Variants in PSMD1 observed in about 807,000 individuals in gnomAD.
PSMD1 encodes the protein 26S proteasome non-ATPase regulatory subunit 1.
Under a neutral mutation model 119.0 loss-of-function variants are expected in PSMD1, and 18 were observed. That is an observed-to-expected ratio of 0.15 (90% CI 0.10 to 0.22). The LOEUF (loss-of-function observed/expected upper bound fraction) is 0.22, where lower values mean the gene tolerates loss of function less well. PSMD1 is among the 10% of genes least tolerant of loss of function. The pLI is 1.00. For missense variants in PSMD1, 702 were observed against 1,158.5 expected (o/e 0.61, Z 5.72); for synonymous variants, 374 against 396.6 (o/e 0.94, Z 0.68).
At chr2:231,098,455 CTCTCTG>C (rs1448589254) in intron 16 of PSMD1, among the ~76,000 whole-genome samples, 1 of 151,550 alleles carries the variant, frequency 6.6e-6, no homozygotes, top group African/African-American at 2.4e-5. Flanking sequence ...CTTTCTCTCT[CTCTCTG>C]TCTCTTTCTC....
At chr2:231,138,871 G>C (rs1225821061) in intron 17 of PSMD1, 21 bp downstream of exon 17, 1 of 1,561,080 alleles carries the variant, frequency 6.4e-7, no homozygotes, top group South Asian at 1.1e-5. Context: ...CAGCCAATGG[G>C]GTCAGTTCTT....
intron 8 of PSMD1, 59 bp downstream of exon 8, chr2:231,075,630 A>T: frequency 6.6e-7 from 1 of 1,513,148 alleles, no homozygotes; most frequent in Non-Finnish European, 9.1e-7. Flanking sequence ...CCCAGGCTAG[A>T]ACGCAGTGGC....
At chr2:231,111,228 A>T (rs1480522093) in intron 16 of PSMD1, among the ~76,000 whole-genome samples, 1 of 152,136 alleles carries the variant, frequency 6.6e-6, no homozygotes, top group Non-Finnish European at 1.5e-5. Context: ...AGCCATCTAC[A>T]AGTCTACTTA....
rs756520044 is a variant in PSMD1, at chr2:231,072,495, A to G, written c.881+80A>G. 4.2e-4 allele frequency: 537 copies of G among 1,277,848 alleles called. 1 individual carries two copies. Among genetic ancestry groups the G allele is most frequent in the Non-Finnish European group, 3.9e-4 (355 of 906,000 alleles). 79.2% of individuals were successfully genotyped at this position (1,277,848 alleles called of 1,614,324 possible). A position where few individuals can be genotyped will look rare whatever the true frequency, so the allele number is the denominator to read the frequency against. On this transcript the variant is annotated intron_variant, in intron 7 of 24. Coordinates refer to ENST00000308696, the MANE Select transcript of PSMD1 (RefSeq NM_002807.4). ...GGGGACAGGTAGAATATTTATAGGA[A>G]GCATATTCTAAGAATAAATTTTGCC...
intron 20 of PSMD1, among the ~76,000 whole-genome samples, chr2:231,162,849 GAAA>G (rs1696673498): frequency 6.7e-6 from 1 of 149,232 alleles, no homozygotes; most frequent in African/African-American, 2.5e-5. Context: ...AAGAAAGAAA[GAAA>G]GAAAGGAAGC....
intron 20 of PSMD1, 36 bp from the exon 21 acceptor site, chr2:231,163,599 C>T: frequency 6.6e-7 from 1 of 1,523,486 alleles, no homozygotes. Context: ...GCACAGAGTA[C>T]TTAAAGCCAA....
intron 16 of PSMD1, among the ~76,000 whole-genome samples, chr2:231,100,525 G>T (rs1309241631): frequency 6.6e-6 from 1 of 152,150 alleles, no homozygotes; most frequent in Non-Finnish European, 1.5e-5. Flanking sequence ...GGTGGAGCAG[G>T]TCATTGGAAT....
chr2:231,164,931 A>G (rs1696723690), intron 21 of PSMD1: 1 of 167,750 alleles, frequency 6.0e-6, no homozygotes, highest in Non-Finnish European at 1.3e-5. Flanking sequence ...TATATTGGAC[A>G]CAAGCCTCCA....
At chr2:231,132,618 G>GC (rs201317156) in intron 16 of PSMD1, among the ~76,000 whole-genome samples, 1,870 of 152,262 alleles carry the variant, frequency 0.012, 20 homozygotes, top group Middle Eastern at 0.088. Flanking sequence ...ACTCTCCCCA[G>GC]CATACATAAG....
intron 16 of PSMD1, chr2:231,124,967 C>T (rs1457652676): frequency 1.3e-5 from 2 of 151,914 alleles, no homozygotes; most frequent in Non-Finnish European, 2.9e-5. Context: ...TTATTAAATG[C>T]TTACCTCTGG....
chr2:231,171,683 A>G (rs999901789), intron 24 of PSMD1, among the ~76,000 whole-genome samples: 3 of 150,800 alleles, frequency 2.0e-5, no homozygotes, highest in South Asian at 2.1e-4. Context: ...CAGCCTTTCG[A>G]GTAGCTGGGA....
At chr2:231,120,542 A>G (rs115211109) in intron 16 of PSMD1, among the ~76,000 whole-genome samples, 1,960 of 152,306 alleles carry the variant, frequency 0.013, 20 homozygotes, top group Non-Finnish European at 0.02. Flanking sequence ...TTTGAAAGAC[A>G]ATGTTGTGCC....
chr2:231,099,563 T>C (rs187629169), intron 16 of PSMD1, among the ~76,000 whole-genome samples: 4 of 152,224 alleles, frequency 2.6e-5, no homozygotes, highest in African/African-American at 9.6e-5. Flanking sequence ...CATCTTTATC[T>C]CCCTTGCTCC....
At chr2:231,163,119 GAA>G (rs1451502119) in intron 20 of PSMD1, 4 of 150,888 alleles carry the variant, frequency 2.7e-5, no homozygotes, top group Non-Finnish European at 1.5e-5. Flanking sequence ...AAAAAAGAAA[GAA>G]AGGAAAAATT....
chr2:231,118,015 G>A (rs1251617527), intron 16 of PSMD1, among the ~76,000 whole-genome samples: 1 of 152,044 alleles, frequency 6.6e-6, no homozygotes, highest in African/African-American at 2.4e-5. Flanking sequence ...TTAAGAGTGT[G>A]AATTCTAGAA....
chr2:231,109,779 T>G (rs1306406262), intron 16 of PSMD1, among the ~76,000 whole-genome samples: 3 of 152,244 alleles, frequency 2.0e-5, no homozygotes, highest in Non-Finnish European at 4.4e-5. Flanking sequence ...ACCTGCTTTT[T>G]TCTTATTATC....
At chr2:231,076,875 T>C (rs1301730741) in intron 8 of PSMD1, among the ~76,000 whole-genome samples, 159 bp from the exon 9 acceptor site, 2 of 152,220 alleles carry the variant, frequency 1.3e-5, no homozygotes, top group Non-Finnish European at 2.9e-5. Context: ...CAAGCTAGTA[T>C]CATATCTCAG....
intron 9 of PSMD1, among the ~76,000 whole-genome samples, chr2:231,077,495 G>C (rs760018418): frequency 6.6e-6 from 1 of 151,982 alleles, no homozygotes; most frequent in Non-Finnish European, 1.5e-5. Context: ...GCTTCAGCCT[G>C]CTCCAAACTC....
intron 16 of PSMD1, among the ~76,000 whole-genome samples, chr2:231,118,235 T>G (rs1695410692): frequency 6.6e-6 from 1 of 152,098 alleles, no homozygotes; most frequent in South Asian, 2.1e-4. Context: ...TCAATAAATG[T>G]TAGTGCTTAT....
Sources: gnomAD v4.1 joint callset for allele counts (sites outside exome capture counted in the v4.1 genomes callset) on GRCh38, gnomAD v4.1.1 for gene constraint, MANE v1.5 for transcripts, NCBI Gene and HGNC (gene_info 2026-07-23, HGNC 2026-07-21) for gene names.